C8orf34: variants seen among roughly 807,000 people sequenced by gnomAD.
C8orf34 encodes chromosome 8 open reading frame 34.
In C8orf34, 65 loss-of-function variants were observed where a neutral mutation model predicts 68.3. That is an observed-to-expected ratio of 0.95 (90% confidence interval 0.78 to 1.17). The LOEUF (loss-of-function observed/expected upper bound fraction) is 1.17, where lower values mean the gene tolerates loss of function less well. Ranked by LOEUF, C8orf34 falls within the 50% of genes most tolerant of loss-of-function variation. The pLI is 0.00. For synonymous variants in C8orf34, 244 were observed against 241.2 expected, an observed-to-expected ratio of 1.01 and a Z score of -0.11; for missense variants, 664 against 655.4, an observed-to-expected ratio of 1.01 and a Z score of -0.14.
chr8:68,599,258 T>G (rs1817629836), intron 7 of C8orf34, among the ~76,000 whole-genome samples: 1 of 152,066 alleles, frequency 6.6e-6, no homozygotes, highest in African/African-American at 2.4e-5. Context: ...ATATCATGCT[T>G]ATGAATTTGA....
At chr8:68,545,412 G>A (rs1815843202) in intron 7 of C8orf34, among the ~76,000 whole-genome samples, 1 of 151,732 alleles carries the variant, frequency 6.6e-6, no homozygotes, top group Non-Finnish European at 1.5e-5. Context: ...GTCTTTATTA[G>A]CAGCATGAAA....
At chr8:68,584,341 A>G (rs1354715224) in intron 7 of C8orf34, among the ~76,000 whole-genome samples, 1 of 152,076 alleles carries the variant, frequency 6.6e-6, no homozygotes, top group Non-Finnish European at 1.5e-5. Flanking sequence ...AATGACTATA[A>G]ACAAGGAGAA....
chr8:68,565,356 C>G (rs1366956451), intron 7 of C8orf34, among the ~76,000 whole-genome samples: 1 of 152,106 alleles, frequency 6.6e-6, no homozygotes, highest in African/African-American at 2.4e-5. Context: ...TCAATCCCTC[C>G]CGAAGATAAA....
At chr8:68,456,582 A>G (rs1255839554) in intron 3 of C8orf34, among the ~76,000 whole-genome samples, 3 of 152,238 alleles carry the variant, frequency 2.0e-5, no homozygotes, top group African/African-American at 7.2e-5. Context: ...GCATTTTCAA[A>G]TGCACTCATA....
At chr8:68,649,862 G>T (rs936775302) in intron 8 of C8orf34, among the ~76,000 whole-genome samples, 1 of 152,078 alleles carries the variant, frequency 6.6e-6, no homozygotes, top group Non-Finnish European at 1.5e-5. Flanking sequence ...AACCTCTGTA[G>T]ACTTCAATTT....
intron 1 of C8orf34, among the ~76,000 whole-genome samples, chr8:68,429,652 G>A (rs529084897): frequency 1.1e-4 from 16 of 152,164 alleles, no homozygotes; most frequent in African/African-American, 2.6e-4. Context: ...AATAAATTGC[G>A]GTGTATTCAT....
intron 7 of C8orf34, among the ~76,000 whole-genome samples, chr8:68,563,256 T>C (rs1271386972): frequency 6.6e-6 from 1 of 152,208 alleles, no homozygotes; most frequent in African/African-American, 2.4e-5. Context: ...AGTAAGGATG[T>C]ATGCAAAGAT....
At chr8:68,623,479 A>G (rs1004725789) in intron 7 of C8orf34, among the ~76,000 whole-genome samples, 1 of 152,072 alleles carries the variant, frequency 6.6e-6, no homozygotes, top group Non-Finnish European at 1.5e-5. Context: ...TTTTAAGGGG[A>G]GGGAAAAATC....
At chr8:68,704,483 A>G (rs1821108133) in intron 8 of C8orf34, among the ~76,000 whole-genome samples, 1 of 152,172 alleles carries the variant, frequency 6.6e-6, no homozygotes, top group South Asian at 2.1e-4. Context: ...AGACACAGGT[A>G]GGGATTATGC....
At chr8:68,442,463 C>A (rs1383432001) in intron 2 of C8orf34, among the ~76,000 whole-genome samples, 1 of 152,056 alleles carries the variant, frequency 6.6e-6, no homozygotes, top group Non-Finnish European at 1.5e-5. Context: ...GTTACTACCT[C>A]AAGGGTGGGA....
chr8:68,805,873 A>G (rs999391817), intron 12 of C8orf34, among the ~76,000 whole-genome samples: 10 of 151,922 alleles, frequency 6.6e-5, no homozygotes, highest in African/African-American at 2.4e-4. Context: ...AACTTACTTT[A>G]TACTTTATAT....
At chr8:68,544,648 A>G (rs141272792) in intron 7 of C8orf34, among the ~76,000 whole-genome samples, 4 of 152,334 alleles carry the variant, frequency 2.6e-5, no homozygotes, top group African/African-American at 9.6e-5. Context: ...TATGCATTTA[A>G]TGGAAAAGAA....
At chr8:68,355,968 T>C (rs193027801) in intron 1 of C8orf34, among the ~76,000 whole-genome samples, 1 of 152,180 alleles carries the variant, frequency 6.6e-6, no homozygotes, top group East Asian at 1.9e-4. Flanking sequence ...AAAATCATCT[T>C]GTTGGATGTA....
At chr8:68,393,670 C>T (rs950828844) in intron 1 of C8orf34, among the ~76,000 whole-genome samples, 5 of 152,166 alleles carry the variant, frequency 3.3e-5, no homozygotes, top group South Asian at 4.2e-4. Context: ...AACTGACAAG[C>T]GATGAAATTA....
intron 12 of C8orf34, among the ~76,000 whole-genome samples, chr8:68,794,050 T>C (rs924725068): frequency 2.0e-5 from 3 of 152,216 alleles, no homozygotes; most frequent in Admixed American, 6.5e-5. Context: ...ATTCATAAGC[T>C]ATGAGGGTCT....
chr8:68,340,991 G>T (rs950314002), intron 1 of C8orf34, among the ~76,000 whole-genome samples: 28 of 152,148 alleles, frequency 1.8e-4, no homozygotes, highest in Non-Finnish European at 1.5e-5. Flanking sequence ...GAGGTGCAAG[G>T]ATAATCCAAT....
intron 3 of C8orf34, among the ~76,000 whole-genome samples, chr8:68,454,631 T>C (rs917983905): frequency 4.6e-5 from 7 of 152,016 alleles, no homozygotes; most frequent in African/African-American, 1.4e-4. Flanking sequence ...TTTAATAATT[T>C]GAGTTTTCTT....
chr8:68,380,982 G>A (rs942865598), intron 1 of C8orf34, among the ~76,000 whole-genome samples: 3 of 152,140 alleles, frequency 2.0e-5, no homozygotes, highest in African/African-American at 7.2e-5. Context: ...ATGACAGTGA[G>A]ATAAGTTGTC....
chr8:68,783,219 T>C (rs1362418817), intron 11 of C8orf34, among the ~76,000 whole-genome samples: 5 of 152,132 alleles, frequency 3.3e-5, no homozygotes, highest in Admixed American at 6.5e-5. Context: ...TCCCACTCTG[T>C]TCAAAGCCAT....
Sources: gnomAD v4.1 joint callset for allele counts (sites outside exome capture counted in the v4.1 genomes callset) on GRCh38, gnomAD v4.1.1 for gene constraint, MANE v1.5 for transcripts, NCBI Gene and HGNC (gene_info 2026-07-23, HGNC 2026-07-21) for gene names.